Variants in CDKAL1 observed in about 807,000 individuals in gnomAD.
CDKAL1 encodes threonylcarbamoyladenosine tRNA methylthiotransferase.
In CDKAL1, 32 loss-of-function variants were observed where a neutral mutation model predicts 68.2. That is an observed-to-expected ratio of 0.47 (90% CI 0.35 to 0.63). CDKAL1 has a LOEUF of 0.63. CDKAL1 is among the 30% of genes least tolerant of loss of function. The pLI is 0.00. For missense variants in CDKAL1, 606 were observed against 696.7 expected, an observed-to-expected ratio of 0.87 and a Z score of 1.47; for synonymous variants, 234 against 244.3, an observed-to-expected ratio of 0.96 and a Z score of 0.39.
intron 15 of CDKAL1, among the ~76,000 whole-genome samples, chr6:21,224,549 T>C (rs909362313): frequency 4.0e-5 from 6 of 151,764 alleles, no homozygotes; most frequent in Admixed American, 1.3e-4. Context: ...ATAATAATAG[T>C]AACCCTATGC....
chr6:20,658,408 A>C (rs1240911436), intron 5 of CDKAL1, among the ~76,000 whole-genome samples: 3 of 152,230 alleles, frequency 2.0e-5, no homozygotes, highest in African/African-American at 7.2e-5. Context: ...ACGACAATTG[A>C]AAATAAAGGC....
intron 9 of CDKAL1, among the ~76,000 whole-genome samples, chr6:20,939,634 T>A (rs1023466456): frequency 1.3e-5 from 2 of 152,182 alleles, no homozygotes; most frequent in African/African-American, 4.8e-5. Flanking sequence ...TCTATTTTCT[T>A]TTTAAATCCT....
intron 9 of CDKAL1, among the ~76,000 whole-genome samples, chr6:20,946,150 C>T (rs1160243876): frequency 6.6e-6 from 1 of 152,190 alleles, no homozygotes; most frequent in Non-Finnish European, 1.5e-5. Flanking sequence ...CAGCCCTGCC[C>T]TGTGAGCTTG....
intron 9 of CDKAL1, 47 bp downstream of exon 9, chr6:20,846,225 T>C: frequency 8.5e-7 from 1 of 1,181,824 alleles, no homozygotes; most frequent in Non-Finnish European, 1.2e-6. Flanking sequence ...CTTAATAAAT[T>C]ATGTTAGCCT....
intron 11 of CDKAL1, among the ~76,000 whole-genome samples, chr6:21,015,790 G>C (rs2150849568): frequency 6.6e-6 from 1 of 151,962 alleles, no homozygotes; most frequent in East Asian, 1.9e-4. Context: ...AGCCAGGCGT[G>C]ATGGTGCGCA....
At chr6:21,205,960 G>A (rs1158138320) in intron 15 of CDKAL1, among the ~76,000 whole-genome samples, 2 of 143,510 alleles carry the variant, frequency 1.4e-5, no homozygotes, top group South Asian at 2.3e-4. Context: ...TCAACCTCCC[G>A]AATAGCTGGG....
At chr6:21,007,861 G>T (rs369163935) in intron 11 of CDKAL1, among the ~76,000 whole-genome samples, 1 of 152,182 alleles carries the variant, frequency 6.6e-6, no homozygotes, top group African/African-American at 2.4e-5. Flanking sequence ...GGATTACCCA[G>T]CCAGTGCTCT....
At chr6:20,806,982 A>G (rs1776598917) in intron 8 of CDKAL1, among the ~76,000 whole-genome samples, 1 of 152,202 alleles carries the variant, frequency 6.6e-6, no homozygotes, top group Non-Finnish European at 1.5e-5. Flanking sequence ...TGTTCATTGT[A>G]TTATTCGTCA....
chr6:20,724,761 A>G (rs1010878060), intron 5 of CDKAL1, among the ~76,000 whole-genome samples: 4 of 152,332 alleles, frequency 2.6e-5, no homozygotes, highest in South Asian at 2.1e-4. Flanking sequence ...TTGGGATCTC[A>G]TAGTACTACA....
chr6:20,868,162 A>C (rs1159128715), intron 9 of CDKAL1, among the ~76,000 whole-genome samples: 1 of 152,204 alleles, frequency 6.6e-6, no homozygotes, highest in African/African-American at 2.4e-5. Context: ...GGGAAATATC[A>C]ACACTGTTGA....
intron 15 of CDKAL1, among the ~76,000 whole-genome samples, chr6:21,223,033 C>T (rs1438918930): frequency 6.6e-6 from 1 of 152,052 alleles, no homozygotes; most frequent in African/African-American, 2.4e-5. Flanking sequence ...AGACAGGTAG[C>T]GTGAAATGTC....
chr6:20,930,421 G>C (rs1014235035), intron 9 of CDKAL1, among the ~76,000 whole-genome samples: 2 of 152,136 alleles, frequency 1.3e-5, no homozygotes, highest in African/African-American at 4.8e-5. Flanking sequence ...AACAGGCTAT[G>C]CCACAATTAT....
At chr6:20,650,026 T>C (rs763120849) in intron 5 of CDKAL1, among the ~76,000 whole-genome samples, 2 of 152,204 alleles carry the variant, frequency 1.3e-5, no homozygotes, top group Non-Finnish European at 2.9e-5. Flanking sequence ...AATGAACATA[T>C]GTGTGCATGT....
chr6:21,199,853 A>C (rs1778618627), intron 14 of CDKAL1, among the ~76,000 whole-genome samples: 1 of 152,240 alleles, frequency 6.6e-6, no homozygotes, highest in African/African-American at 2.4e-5. Flanking sequence ...TTCACCACCC[A>C]GGTGACCTTT....
intron 10 of CDKAL1, among the ~76,000 whole-genome samples, chr6:20,982,052 T>C (rs903580935): frequency 3.7e-5 from 5 of 135,546 alleles, no homozygotes; most frequent in South Asian, 2.2e-4. Flanking sequence ...GAAATTCTTA[T>C]TTATTTATTT....
At chr6:20,683,384 G>C (rs889843113) in intron 5 of CDKAL1, among the ~76,000 whole-genome samples, 3 of 151,960 alleles carry the variant, frequency 2.0e-5, no homozygotes, top group African/African-American at 7.2e-5. Flanking sequence ...TGTTAATATA[G>C]ATCCATTAGA....
At chr6:20,964,541 A>G (rs774870229) in intron 10 of CDKAL1, among the ~76,000 whole-genome samples, 1 of 152,168 alleles carries the variant, frequency 6.6e-6, no homozygotes, top group African/African-American at 2.4e-5. Context: ...GCAAACTAAC[A>G]CACAAACAGA....
intron 15 of CDKAL1, among the ~76,000 whole-genome samples, chr6:21,214,874 G>GATTA (rs1554197899): frequency 8.0e-5 from 12 of 149,670 alleles, no homozygotes; most frequent in Non-Finnish European, 1.6e-4. Context: ...ACGTCTGTTG[G>GATTA]ATGAATGAAT....
At chr6:20,628,135 G>A (rs1041472702) in intron 4 of CDKAL1, among the ~76,000 whole-genome samples, 7 of 152,028 alleles carry the variant, frequency 4.6e-5, no homozygotes, top group African/African-American at 1.7e-4. Context: ...ACTATGTTGA[G>A]TATGAGTGGT....
Sources: allele counts gnomAD v4.1 joint callset (sites outside exome capture counted in the v4.1 genomes callset), GRCh38; gene constraint gnomAD v4.1.1; transcripts MANE v1.5; gene names NCBI Gene and HGNC (gene_info 2026-07-23, HGNC 2026-07-21).